NFIB: variants seen among roughly 807,000 people sequenced by gnomAD.
NFIB encodes the protein nuclear factor 1 B-type.
In NFIB, 11 loss-of-function variants were observed where a neutral mutation model predicts 61.5. The ratio of observed to expected loss-of-function variants is 0.18; its 90% CI spans 0.11 to 0.30. The LOEUF (loss-of-function observed/expected upper bound fraction) is 0.30. Among genes scored for constraint, NFIB ranks in the 10% least tolerant of loss-of-function variants. The pLI is 1.00. For missense variants in NFIB, 471 were observed against 608.9 expected (o/e 0.77, Z 2.38); for synonymous variants, 260 against 216.5 (o/e 1.20, Z -1.76).
upstream of NFIB, among the ~76,000 whole-genome samples, chr9:14,316,599 A>C (rs1455171194): frequency 6.6e-6 from 1 of 152,250 alleles, no homozygotes; most frequent in Non-Finnish European, 1.5e-5. Context: ...GGATGAAAGA[A>C]ATGAGGTGAC....
At chr9:14,170,369 T>C (rs1021774940) in intron 3 of NFIB, among the ~76,000 whole-genome samples, 3 of 152,142 alleles carry the variant, frequency 2.0e-5, no homozygotes, top group African/African-American at 7.2e-5. Flanking sequence ...AGGCCAGGCA[T>C]GGTGGCTCAT....
At chr9:14,217,010 T>A (rs1417629111) in intron 2 of NFIB, among the ~76,000 whole-genome samples, 4 of 152,210 alleles carry the variant, frequency 2.6e-5, no homozygotes, top group African/African-American at 9.7e-5. Context: ...TTGAACAGTG[T>A]CTACTAGGAA....
chr9:14,177,688 T>C (rs538383865), intron 3 of NFIB, among the ~76,000 whole-genome samples: 1 of 152,264 alleles, frequency 6.6e-6, no homozygotes, highest in African/African-American at 2.4e-5. Flanking sequence ...TTTCAACTAA[T>C]CATAAAATGT....
chr9:14,205,217 G>GA (rs2049511674), intron 2 of NFIB, among the ~76,000 whole-genome samples: 2 of 129,472 alleles, frequency 1.5e-5, no homozygotes, highest in African/African-American at 3.0e-5. Flanking sequence ...GGAAGGAAGG[G>GA]AGGGGAGGGG....
intron 2 of NFIB, among the ~76,000 whole-genome samples, chr9:14,279,431 G>C (rs981249489): frequency 6.6e-6 from 1 of 152,112 alleles, no homozygotes; most frequent in Non-Finnish European, 1.5e-5. Flanking sequence ...ACCTGAGATT[G>C]AGACCTTATT....
intron 7 of NFIB, among the ~76,000 whole-genome samples, chr9:14,124,311 A>G (rs1209692809): frequency 2.6e-5 from 4 of 152,222 alleles, no homozygotes; most frequent in African/African-American, 9.6e-5. Flanking sequence ...TTACAAACCT[A>G]TGAAACAGTT....
chr9:14,232,450 A>G (rs765860225), intron 2 of NFIB, among the ~76,000 whole-genome samples: 41 of 152,200 alleles, frequency 2.7e-4, no homozygotes, highest in Non-Finnish European at 4.7e-4. Context: ...TGCCACCAGG[A>G]AAGAAGATAC....
At chr9:14,340,890 A>G (rs190789125) in intron 1 of NFIB, among the ~76,000 whole-genome samples, 96 of 152,294 alleles carry the variant, frequency 6.3e-4, no homozygotes, top group African/African-American at 2.2e-3. Context: ...AAAGTCATGG[A>G]AAGAACAGAG....
intron 10 of NFIB, among the ~76,000 whole-genome samples, chr9:14,088,597 C>T (rs543566614): frequency 1.3e-5 from 2 of 151,784 alleles, no homozygotes; most frequent in African/African-American, 4.8e-5. Context: ...GAATTCTAAC[C>T]GATTGAGGAT....
the NFIB span, among the ~76,000 whole-genome samples, chr9:14,469,089 G>A: frequency 2.0e-5 from 3 of 152,118 alleles, no homozygotes; most frequent in African/African-American, 7.2e-5. Context: ...CTGTGTCTAC[G>A]TTCCTTTAAC....
At chr9:14,516,868 A>C in the NFIB span, among the ~76,000 whole-genome samples, 1 of 152,222 alleles carries the variant, frequency 6.6e-6, no homozygotes, top group Admixed American at 6.5e-5. Flanking sequence ...GAATTTACCT[A>C]AATCTGCATG....
the NFIB span, among the ~76,000 whole-genome samples, chr9:14,405,868 C>G: frequency 1.3e-5 from 2 of 152,180 alleles, no homozygotes; most frequent in Non-Finnish European, 2.9e-5. Flanking sequence ...GAATATAAAT[C>G]AGGCCTAAGA....
chr9:14,284,565 C>T (rs1338533142), intron 2 of NFIB, among the ~76,000 whole-genome samples: 1 of 152,142 alleles, frequency 6.6e-6, no homozygotes, highest in Non-Finnish European at 1.5e-5. Flanking sequence ...AAAATGGACT[C>T]TGTTTAGAAA....
the NFIB span, among the ~76,000 whole-genome samples, chr9:14,517,983 G>A: frequency 1.3e-5 from 2 of 152,170 alleles, no homozygotes; most frequent in African/African-American, 2.4e-5. Flanking sequence ...AAGACTTATT[G>A]CATTGTCTTC....
intron 3 of NFIB, among the ~76,000 whole-genome samples, chr9:14,172,887 A>T (rs59157653): frequency 0.39 from 59,088 of 151,798 alleles, 14,501 homozygotes; most frequent in Non-Finnish European, 0.55. Flanking sequence ...CTCCTGCCTC[A>T]GCCTCCCAAG....
At position 14,085,707 on chromosome 9, in the gene NFIB, T is replaced by C. The variant is rs1214672104; in HGVS notation, c.*2602A>G. The C allele has an allele frequency of 4.6e-6, 1 of 218,756 alleles. No individual in the cohort carries two copies. Among genetic ancestry groups the C allele is most frequent in the African/African-American group, 2.2e-5 (1 of 44,504 alleles). 13.6% of individuals were successfully genotyped at this position (218,756 alleles called of 1,614,324 possible). On this transcript the variant is annotated 3_prime_UTR_variant, in exon 11 of 11. Coordinates refer to ENST00000380953, the MANE Select transcript of NFIB (RefSeq NM_001190737.2). ...CAATCTTCTGGATATTAAAAAAAAA[T>C]CCAAGTGCACTGCCATCCATTTGAA...
At chr9:14,519,857 T>G in the NFIB span, among the ~76,000 whole-genome samples, 1 of 152,228 alleles carries the variant, frequency 6.6e-6, no homozygotes. Context: ...CCAGATAGTC[T>G]AGCCTTAGAT....
rs556593638 is a variant in NFIB at position 14,217,017 on chromosome 9, G to C, written c.563-37237C>G. On this transcript the variant is annotated intron_variant, in intron 2 of 10. Transcript: ENST00000380953. ...AATAATGTTTGAACAGTGTCTACTA[G>C]GAAGGACTTAATGAAATAAAGTGGA... Among the ~76,000 whole-genome samples the C allele has an allele frequency of 1.8e-4, 27 of 152,254 alleles. No homozygotes were observed. In the South Asian group the frequency reaches 5.2e-3, roughly 29 times the overall value.
chr9:14,107,142 A>G (rs1409941688), intron 10 of NFIB, among the ~76,000 whole-genome samples: 6 of 152,078 alleles, frequency 3.9e-5, no homozygotes, highest in Admixed American at 3.9e-4. Flanking sequence ...TTAACACTCC[A>G]ATATTCATAC....
Sources: allele counts gnomAD v4.1 joint callset (sites outside exome capture counted in the v4.1 genomes callset), GRCh38; gene constraint gnomAD v4.1.1; transcripts MANE v1.5; gene names NCBI Gene and HGNC (gene_info 2026-07-23, HGNC 2026-07-21).